Variants in UNC5C observed in about 807,000 individuals in gnomAD.
UNC5C encodes the protein unc-5 netrin receptor C, also known as netrin receptor UNC5C.
In UNC5C, 47 loss-of-function variants were observed where a neutral mutation model predicts 99.8. That is an observed-to-expected ratio of 0.47 (90% CI 0.37 to 0.60). The LOEUF (loss-of-function observed/expected upper bound fraction) is 0.60, where lower values mean the gene tolerates loss of function less well. UNC5C is among the 20% of genes least tolerant of loss of function. UNC5C has a pLI of 0.00. For missense variants in UNC5C, 1,062 were observed against 1,165.9 expected (o/e 0.91, Z 1.30); for synonymous variants, 487 against 452.2 (o/e 1.08, Z -0.98).
intron 4 of UNC5C, among the ~76,000 whole-genome samples, chr4:95,263,640 T>G (rs1422751877): frequency 6.6e-6 from 1 of 152,214 alleles, no homozygotes; most frequent in Admixed American, 6.5e-5. Flanking sequence ...AGCCTAGAGA[T>G]AGGACCCAGC....
intron 12 of UNC5C, among the ~76,000 whole-genome samples, chr4:95,188,199 T>C (rs1736912283): frequency 6.6e-6 from 1 of 152,168 alleles, no homozygotes; most frequent in Non-Finnish European, 1.5e-5. Flanking sequence ...CAGCTTGTCC[T>C]TTCACTAGTA....
chr4:95,361,141 T>C (rs1420679467), intron 1 of UNC5C, among the ~76,000 whole-genome samples: 2 of 152,172 alleles, frequency 1.3e-5, no homozygotes, highest in Non-Finnish European at 2.9e-5. Flanking sequence ...ATCACATGTC[T>C]TTCGGAAACA....
At chr4:95,405,661 G>A (rs1364204641) in intron 1 of UNC5C, among the ~76,000 whole-genome samples, 1 of 152,190 alleles carries the variant, frequency 6.6e-6, no homozygotes, top group Non-Finnish European at 1.5e-5. Context: ...AGATGAGGAA[G>A]TAGAAGCAAA....
Position 95,242,451 on chromosome 4 carries a change from G to T in UNC5C, c.1086C>A (p.Cys362Ter), listed in dbSNP as rs1345065125. 2 of 1,614,086 alleles carry T rather than the reference G, an allele frequency of 1.2e-6. No homozygotes were observed. Among genetic ancestry groups the T allele is most frequent in the Non-Finnish European group, 1.7e-6 (2 of 1,179,998 alleles). The change falls in exon 7 of 16, where the codon TGC (cysteine) becomes TGA (stop). Residue 362 changes from cysteine to a stop codon, truncating the protein, a stop_gained. Transcript: ENST00000453304. LOFTEE classifies it high-confidence loss of function. Reference sequence around the variant, plus strand: ...TACTCTGCATGCAAAGCCCATCAGTGCAGTTCTTGGATTGCAAGACGAGGC... The same window carrying T: ...TACTCTGCATGCAAAGCCCATCAGTTCAGTTCTTGGATTGCAAGACGAGGC... ...CDGLVLQSKN[C>*]TDGLCMQTAP... is the part of the protein sequence containing the mutation.
intron 7 of UNC5C, among the ~76,000 whole-genome samples, chr4:95,240,517 C>G (rs1001001228): frequency 2.6e-5 from 4 of 152,098 alleles, no homozygotes; most frequent in Admixed American, 2.0e-4. Context: ...GGGATTGTTA[C>G]TATAGCAAAT....
chr4:95,402,600 A>T (rs1474823245), intron 1 of UNC5C, among the ~76,000 whole-genome samples: 4 of 152,210 alleles, frequency 2.6e-5, no homozygotes, highest in Non-Finnish European at 4.4e-5. Flanking sequence ...ACAGGGTAGT[A>T]TTTGAGGACA....
intron 3 of UNC5C, among the ~76,000 whole-genome samples, chr4:95,281,470 G>T (rs867054098): frequency 8.5e-5 from 13 of 152,166 alleles, no homozygotes; most frequent in Admixed American, 2.0e-4. Flanking sequence ...CTGATGGAGT[G>T]AGGCGGTGGT....
chr4:95,341,478 GAGAGAGAAAGA>G (rs1743575484), intron 1 of UNC5C, among the ~76,000 whole-genome samples: 1 of 137,682 alleles, frequency 7.3e-6, no homozygotes, highest in Admixed American at 7.7e-5. Context: ...AAAGAAGAAA[GAGAGAGAAAGA>G]AAGAAAGAAG....
At chr4:95,535,330 C>G (rs1722746526) in intron 1 of UNC5C, among the ~76,000 whole-genome samples, 1 of 152,112 alleles carries the variant, frequency 6.6e-6, no homozygotes, top group South Asian at 2.1e-4. Flanking sequence ...ATATGACATT[C>G]TTTCACCTGA....
At chr4:95,240,970 C>T (rs1437752425) in intron 7 of UNC5C, among the ~76,000 whole-genome samples, 1 of 151,272 alleles carries the variant, frequency 6.6e-6, no homozygotes, top group Non-Finnish European at 1.5e-5. Flanking sequence ...TTAAATCACC[C>T]AAGATTGAAA....
intron 4 of UNC5C, among the ~76,000 whole-genome samples, chr4:95,250,880 C>T (rs1227196853): frequency 6.6e-6 from 1 of 152,208 alleles, no homozygotes; most frequent in African/African-American, 2.4e-5. Context: ...ACTCACCTGC[C>T]AAACATGCTG....
chr4:95,521,734 C>T (rs1357755986), intron 1 of UNC5C, among the ~76,000 whole-genome samples: 2 of 152,170 alleles, frequency 1.3e-5, no homozygotes, highest in African/African-American at 4.8e-5. Context: ...ATTCATAAAC[C>T]TTCCAAAATA....
intron 1 of UNC5C, among the ~76,000 whole-genome samples, chr4:95,351,752 A>C (rs1305278620): frequency 6.6e-6 from 1 of 152,144 alleles, no homozygotes; most frequent in African/African-American, 2.4e-5. Flanking sequence ...CCACCATGAG[A>C]TGTGTAGAGC....
chr4:95,302,395 C>G (rs1455437890), intron 2 of UNC5C, among the ~76,000 whole-genome samples: 1 of 152,192 alleles, frequency 6.6e-6, no homozygotes, highest in Non-Finnish European at 1.5e-5. Context: ...TGCTAAAATG[C>G]TCAAATAATT....
At chr4:95,395,240 T>A (rs1180037773) in intron 1 of UNC5C, among the ~76,000 whole-genome samples, 1 of 152,226 alleles carries the variant, frequency 6.6e-6, no homozygotes. Flanking sequence ...TTTTTGGGAA[T>A]GTACTTCTGT....
chr4:95,210,899 G>A (rs892214759), intron 10 of UNC5C, among the ~76,000 whole-genome samples: 2 of 152,162 alleles, frequency 1.3e-5, no homozygotes, highest in South Asian at 4.1e-4. Context: ...GCTGCTCATG[G>A]TACACCTGTA....
chr4:95,357,067 G>A (rs1288064417), intron 1 of UNC5C, among the ~76,000 whole-genome samples: 2 of 151,474 alleles, frequency 1.3e-5, no homozygotes, highest in Non-Finnish European at 2.9e-5. Context: ...ATTCATCTGA[G>A]GTTTATTTTC....
At chr4:95,363,863 T>A (rs1560805235) in intron 1 of UNC5C, among the ~76,000 whole-genome samples, 1 of 152,172 alleles carries the variant, frequency 6.6e-6, no homozygotes, top group Non-Finnish European at 1.5e-5. Context: ...GCATCAGCCC[T>A]AGGCTTGGGG....
rs1241009501 is a variant in UNC5C at position 95,441,984 on chromosome 4, G to T, written c.125-106353C>A. On this transcript the variant is annotated intron_variant, in intron 1 of 15. Coordinates refer to ENST00000453304, the MANE Select transcript of UNC5C (RefSeq NM_003728.4). Reference sequence around the variant, plus strand: ...GCACAGAGCAAAGAAAGGCAACCTGGTTAGTGTAAAGAATTTATGACTTCC... The same window carrying T: ...GCACAGAGCAAAGAAAGGCAACCTGTTTAGTGTAAAGAATTTATGACTTCC... Among the ~76,000 whole-genome samples, 9 of 152,282 alleles carry T rather than the reference G, an allele frequency of 5.9e-5. No homozygotes were observed. In the East Asian group the frequency reaches 1.2e-3, roughly 20 times the overall value.
Sources: allele counts gnomAD v4.1 joint callset (sites outside exome capture counted in the v4.1 genomes callset), GRCh38; gene constraint gnomAD v4.1.1; transcripts MANE v1.5; gene names NCBI Gene and HGNC (gene_info 2026-07-23, HGNC 2026-07-21).